The following NBPF14 variants were observed in gnomAD, a reference collection of about 807,000 sequenced individuals.
NBPF14 encodes NBPF member 14, also known as NBPF family member NBPF14.
In NBPF14, 104 loss-of-function variants were observed where a neutral mutation model predicts 91.2. The ratio of observed to expected loss-of-function variants is 1.14; its 90% CI spans 0.97 to 1.34. The LOEUF (loss-of-function observed/expected upper bound fraction) is 1.34. Ranked by LOEUF, NBPF14 falls within the 40% of genes most tolerant of loss-of-function variation. The pLI, the probability that NBPF14 is intolerant of heterozygous loss-of-function variation, is 0.00. For synonymous variants in NBPF14, 294 were observed against 303.8 expected (o/e 0.97, Z 0.34); for missense variants, 908 against 783.0 (o/e 1.16, Z -1.91).
At chr1:148,590,226 T>C (rs1388247065) in intron 6 of NBPF14, among the ~76,000 whole-genome samples, 1 of 140,202 alleles carries the variant, frequency 7.1e-6, no homozygotes, top group Non-Finnish European at 1.6e-5. Context: ...TTTTTTTTTT[T>C]TTTTGTATTT....
In NBPF14 at chr1:148,534,661, C is replaced by G. The variant is rs1268802176; in HGVS notation, c.8614+23G>C. The G allele has an allele frequency of 4.8e-6, 4 of 833,986 alleles. No homozygotes were observed. In the African/African-American group the frequency reaches 5.1e-5, roughly 11 times the overall value. The allele number at this position is 833,986 out of a possible 1,614,324, so 51.7% of individuals were successfully genotyped here. ...TCTGGAAGACCAGGTGGAGGCTTAT[C>G]ACCTTCATAGTAAGGTACTCACTGT... is the stretch of plus-strand genomic sequence containing the variant. On this transcript the variant is annotated intron_variant, in intron 69 of 70. Transcript: ENST00000619423.
chr1:148,539,494 C>G (rs1655531527), exon 63 of NBPF14: 1 of 305,040 alleles, frequency 3.3e-6, no homozygotes, highest in African/African-American at 1.5e-4. Context: ...TCAGGCAGTT[C>G]AAGATAACCT....
rs1296997876 is a variant in NBPF14 at position 148,533,787 on chromosome 1, C to T, written c.8723+74G>A. The T allele has an allele frequency of 6.5e-6, 5 of 764,722 alleles. No homozygotes were observed. In the East Asian group the frequency reaches 7.3e-5, roughly 11 times the overall value. 47.4% of individuals were successfully genotyped at this position (764,722 alleles called of 1,614,324 possible). A position where few individuals can be genotyped will look rare whatever the true frequency, so the allele number is the denominator to read the frequency against. On this transcript the variant is annotated intron_variant, in intron 70 of 70. Coordinates refer to ENST00000619423, the Ensembl canonical transcript of NBPF14. ...TTTGTTGAAAATATGACATCAAACA[C>T]ACTCTGGTTTCCCTGAATCTGTTGC...
At chr1:148,578,933 G>A (rs1660503000) in intron 13 of NBPF14, 141 bp downstream of exon 13, 2 of 688,626 alleles carry the variant, frequency 2.9e-6, no homozygotes, top group East Asian at 5.4e-5. Flanking sequence ...ACTCCAGAGT[G>A]ACTGAAATCT....
In NBPF14 at chr1:148,566,363, C is replaced by G; in HGVS notation, c.3543-48G>C. On this transcript the variant is annotated intron_variant, in intron 28 of 70. Transcript: ENST00000619423. Reference sequence around the variant, plus strand: ...AGAATAAGCCAGGGGAAATCAGACACAACAGAGCCTCAACTAGGTTTCATG... The same window carrying G: ...AGAATAAGCCAGGGGAAATCAGACAGAACAGAGCCTCAACTAGGTTTCATG... 1.7e-5 allele frequency: 13 copies of G among 754,430 alleles called. 3 individuals are homozygous for G. Among genetic ancestry groups the G allele is most frequent in the South Asian group, 1.4e-4 (10 of 71,612 alleles). 46.7% of individuals were successfully genotyped at this position (754,430 alleles called of 1,614,324 possible).
At chr1:148,586,618 G>A in intron 8 of NBPF14, 149 bp from the exon 9 acceptor site, 3 of 769,974 alleles carry the variant, frequency 3.9e-6, no homozygotes, top group South Asian at 3.1e-5. Context: ...GTGGCCAAGA[G>A]AAAGAATAGA....
In NBPF14 at chr1:148,534,487, G is replaced by C. The variant is rs1386285391; in HGVS notation, c.8614+197C>G. Among the ~76,000 whole-genome samples the C allele has an allele frequency of 3.3e-5, 5 of 151,868 alleles. No homozygotes were observed. The East Asian group carries it at 9.7e-4, about 29-fold the overall frequency. On this transcript the variant is annotated intron_variant, in intron 69 of 70. Transcript: ENST00000619423. ...CACAGGTATGGCCTGAGACTAGGAA[G>C]AGAGTCTTGCTCACTGACCCATTTC...
rs1333301670 is a variant in NBPF14 at position 148,534,069 on chromosome 1, G to C, written c.8615-100C>G. On this transcript the variant is annotated intron_variant, in intron 69 of 70. Coordinates refer to ENST00000619423, the Ensembl canonical transcript of NBPF14. ...TCACACAGGGACCTCAGGCTCCTCA[G>C]CATAAGAATAGGACACTGTGAGAGA... The C allele has an allele frequency of 4.8e-5, 29 of 602,040 alleles. No individual in the cohort carries two copies. In the East Asian group the frequency reaches 5.6e-4, roughly 12 times the overall value. The allele number at this position is 602,040 out of a possible 1,614,324, so 37.3% of individuals were successfully genotyped here.
intron 70 of NBPF14, 63 bp downstream of exon 70, chr1:148,533,798 C>G: frequency 2.6e-6 from 2 of 765,718 alleles, no homozygotes; most frequent in Non-Finnish European, 2.4e-6. Context: ...ACTCTGGTTT[C>G]CCTGAATCTG....
At chr1:148,534,172 C>G (rs1163660035) in intron 69 of NBPF14, among the ~76,000 whole-genome samples, 435 of 148,872 alleles carry the variant, frequency 2.9e-3, no homozygotes, top group Non-Finnish European at 4.7e-3. Flanking sequence ...GTAAAATGTC[C>G]CTATTCTAGT....
At chr1:148,587,107 C>T (rs1251788580) in intron 8 of NBPF14, among the ~76,000 whole-genome samples, 194 bp downstream of exon 8, 2 of 148,320 alleles carry the variant, frequency 1.3e-5, no homozygotes, top group Admixed American at 6.7e-5. Flanking sequence ...GAAAACAAGG[C>T]TCTGAGAAAC....
chr1:148,595,446 G>A, intron 2 of NBPF14, 97 bp downstream of exon 2: 1 of 1,335,228 alleles, frequency 7.5e-7, no homozygotes, highest in Non-Finnish European at 1.1e-6. Flanking sequence ...AGTACAGGAA[G>A]GATGAAATTA....
chr1:148,533,852 G>A lies in NBPF14; in HGVS notation c.8723+9C>T, dbSNP rs1437608223. On this transcript the variant is annotated intron_variant, in intron 70 of 70. Transcript: ENST00000619423. The stretch of plus-strand genomic sequence containing the variant: ...ACAGAACTAAGGATCCACAATTGCT[G>A]AAAGTCACCTGGGGCATGGTGGGTT... 1.3e-6 allele frequency: 1 copy of A among 765,206 alleles called. No homozygotes were observed. Among genetic ancestry groups the A allele is most frequent in the South Asian group, 1.3e-5 (1 of 74,498 alleles). The allele number at this position is 765,206 out of a possible 1,614,324, so 47.4% of individuals were successfully genotyped here. A position where few individuals can be genotyped will look rare whatever the true frequency, so the allele number is the denominator to read the frequency against.
intron 4 of NBPF14, among the ~76,000 whole-genome samples, 155 bp from the exon 5 acceptor site, chr1:148,591,659 T>G (rs1662502485): frequency 6.7e-6 from 1 of 148,726 alleles, no homozygotes; most frequent in African/African-American, 2.4e-5. Context: ...CTGGCATGGT[T>G]TCCTGGTCCA....
In NBPF14 at chr1:148,534,438, G is replaced by T. The variant is rs1189898235; in HGVS notation, c.8614+246C>A. Among the ~76,000 whole-genome samples the T allele has an allele frequency of 3.5e-3, 527 of 151,836 alleles. 2 individuals are homozygous for T. The highest frequency in any genetic ancestry group is 4.4e-3 in the Non-Finnish European group (300 of 67,998). On this transcript the variant is annotated intron_variant, in intron 69 of 70. Coordinates refer to ENST00000619423, the Ensembl canonical transcript of NBPF14. ...TTTGTCACATCTGCCCAGGTCCAAT[G>T]TCATGAGAATAGGATCAGGGCGCCA...
At chr1:148,535,094 G>A (rs1283138958) in intron 68 of NBPF14, among the ~76,000 whole-genome samples, 17 of 146,424 alleles carry the variant, frequency 1.2e-4, no homozygotes, top group Non-Finnish European at 2.2e-4. Flanking sequence ...CAGCGAATTG[G>A]CCGGGTGACA....
At chr1:148,534,619 T>G (rs1183368082) in intron 69 of NBPF14, 65 bp downstream of exon 69, 3 of 907,548 alleles carry the variant, frequency 3.3e-6, no homozygotes, top group Non-Finnish European at 3.7e-6. Flanking sequence ...CCACTTGGAA[T>G]AGGAATATCA....
chr1:148,569,163 C>T lies in NBPF14; in HGVS notation c.3265+92G>A. ...TAGTTCCTCCCTGTGGCAATGACAC[C>T]TCTCAGCTCAGTAAGGGCCACTTGC... is the stretch of plus-strand genomic sequence containing the variant. On this transcript the variant is annotated intron_variant, in intron 25 of 70. Coordinates refer to ENST00000619423, the Ensembl canonical transcript of NBPF14. 7 of 223,672 alleles carry T rather than the reference C, an allele frequency of 3.1e-5. 2 individuals carry two copies. The highest frequency in any genetic ancestry group is 3.0e-4 in the South Asian group (7 of 23,348). The allele number at this position is 223,672 out of a possible 1,614,324, so 13.9% of individuals were successfully genotyped here.
rs1654935213 is a variant in NBPF14 at position 148,535,367 on chromosome 1, G to C, written c.8441+86C>G. On this transcript the variant is annotated intron_variant, in intron 68 of 70. Transcript: ENST00000619423. ...GTAATTCAACCTTCGCTGAAAACATGAAATTGAACACACTCTTGTTTTCCC... is the reference window on the plus strand; with the variant it reads ...GTAATTCAACCTTCGCTGAAAACATCAAATTGAACACACTCTTGTTTTCCC... 1.1e-5 allele frequency: 6 copies of C among 562,370 alleles called. No homozygotes were observed. In the Admixed American group the frequency reaches 1.2e-4, roughly 11 times the overall value. 34.8% of individuals were successfully genotyped at this position (562,370 alleles called of 1,614,324 possible).
Sources: gnomAD v4.1 joint callset for allele counts (sites outside exome capture counted in the v4.1 genomes callset) on GRCh38, gnomAD v4.1.1 for gene constraint, MANE v1.5 for transcripts, NCBI Gene and HGNC (gene_info 2026-07-23, HGNC 2026-07-21) for gene names.